Variants in CNTN5 observed in about 807,000 individuals in gnomAD.
The protein encoded by CNTN5 is contactin-5.
A neutral mutation model predicts 129.1 loss-of-function variants in CNTN5; 77 were observed. The ratio of observed to expected loss-of-function variants is 0.60; its 90% CI spans 0.50 to 0.72. The LOEUF (loss-of-function observed/expected upper bound fraction) is 0.72, where lower values mean the gene tolerates loss of function less well. Among genes scored for constraint, CNTN5 ranks in the 30% least tolerant of loss-of-function variants. CNTN5 has a pLI of 0.00. For synonymous variants in CNTN5, 509 were observed against 465.6 expected, an observed-to-expected ratio of 1.09 and a Z score of -1.20; for missense variants, 1,478 against 1,328.8, an observed-to-expected ratio of 1.11 and a Z score of -1.75.
intron 2 of CNTN5, among the ~76,000 whole-genome samples, chr11:99,465,659 G>A (rs937211833): frequency 6.6e-6 from 1 of 151,262 alleles, no homozygotes. Context: ...AAGCTGTATT[G>A]GTCTGTTCTT....
chr11:99,763,158 A>G (rs1378826636), intron 3 of CNTN5, among the ~76,000 whole-genome samples: 3 of 152,064 alleles, frequency 2.0e-5, no homozygotes, highest in South Asian at 2.1e-4. Flanking sequence ...TGAATTTTTC[A>G]TATTTACTTA....
Position 99,409,326 on chromosome 11 carries a change from G to T in CNTN5, c.-71+83842G>T, listed in dbSNP as rs1423861410. 2.6e-5 allele frequency among the ~76,000 whole-genome samples: 4 copies of T among 152,214 alleles called. No homozygotes were observed. In the East Asian group the frequency reaches 7.7e-4, roughly 29 times the overall value. On this transcript the variant is annotated intron_variant, in intron 2 of 24. Coordinates refer to ENST00000524871, the MANE Select transcript of CNTN5 (RefSeq NM_014361.4). Reference sequence around the variant, plus strand: ...AAAAATACAAAAGAAAAATTAACCAGGCATGGTGGCAGGCGCCTGTGGTCC... The same window carrying T: ...AAAAATACAAAAGAAAAATTAACCATGCATGGTGGCAGGCGCCTGTGGTCC...
chr11:100,196,826 A>T (rs1270329248), intron 15 of CNTN5, among the ~76,000 whole-genome samples: 6 of 152,006 alleles, frequency 3.9e-5, no homozygotes, highest in Non-Finnish European at 1.5e-5. Context: ...GGCAAATTTT[A>T]TGAATAAACT....
At chr11:99,197,808 G>T in intron 1 of CNTN5, among the ~76,000 whole-genome samples, 1 of 151,976 alleles carries the variant, frequency 6.6e-6, no homozygotes, top group East Asian at 1.9e-4. Flanking sequence ...TAGGTACAAG[G>T]ATTAACTTGT....
intron 1 of CNTN5, among the ~76,000 whole-genome samples, chr11:99,102,317 G>A (rs1866774120): frequency 6.6e-6 from 1 of 152,114 alleles, no homozygotes; most frequent in South Asian, 2.1e-4. Flanking sequence ...CCATTGTCTT[G>A]GCAATTAACA....
At position 99,342,943 on chromosome 11, in the gene CNTN5, A is replaced by T. The variant is rs139956637; in HGVS notation, c.-71+17459A>T. The stretch of plus-strand genomic sequence containing the variant: ...AATGATGGTCATTTGTCATCAGATT[A>T]AAAAAAACTGAGATATACAAAACAA... On this transcript the variant is annotated intron_variant, in intron 2 of 24. Transcript: ENST00000524871. 5.9e-3 allele frequency among the ~76,000 whole-genome samples: 898 copies of T among 151,972 alleles called. 3 individuals carry two copies. The highest frequency in any genetic ancestry group is 0.01 in the Admixed American group (159 of 15,244).
chr11:99,711,586 C>T (rs895848741), intron 3 of CNTN5, among the ~76,000 whole-genome samples: 2 of 151,798 alleles, frequency 1.3e-5, no homozygotes, highest in East Asian at 1.9e-4. Flanking sequence ...CACTCATCAG[C>T]CCATCATTCA....
At chr11:100,123,195 C>T (rs1222253672) in intron 13 of CNTN5, among the ~76,000 whole-genome samples, 1 of 151,814 alleles carries the variant, frequency 6.6e-6, no homozygotes, top group Non-Finnish European at 1.5e-5. Context: ...ACTAATGATT[C>T]AGCTTTAAAA....
At position 100,255,804 on chromosome 11, in the gene CNTN5, G is replaced by C. The variant is rs200579368; in HGVS notation, c.2050G>C (p.Glu684Gln). Residue 684 changes from glutamate to glutamine, a missense_variant, in exon 17 of 25, where the codon GAA becomes CAA. Transcript: ENST00000524871. ...PGIVIVEEIT[E>Q]STATLSWSPA... ...GATAGTAATTGTTGAGGAAATAACC[G>C]AAAGTACGGCCACACTGTCCTGGAG... 1.2e-6 allele frequency: 2 copies of C among 1,613,696 alleles called. No individual in the cohort carries two copies. The highest frequency in any genetic ancestry group is 1.7e-5 in the Admixed American group (1 of 59,994).
intron 3 of CNTN5, among the ~76,000 whole-genome samples, chr11:99,728,475 A>G (rs1261991569): frequency 6.6e-6 from 1 of 152,200 alleles, no homozygotes; most frequent in Non-Finnish European, 1.5e-5. Context: ...ATAATATTTA[A>G]ATATACTCAA....
intron 9 of CNTN5, among the ~76,000 whole-genome samples, chr11:100,013,206 G>C (rs1940627205): frequency 6.6e-6 from 1 of 151,984 alleles, no homozygotes; most frequent in Non-Finnish European, 1.5e-5. Flanking sequence ...GTGGGAAACG[G>C]GTGACAGATG....
intron 3 of CNTN5, among the ~76,000 whole-genome samples, chr11:99,572,805 T>A (rs1949218243): frequency 6.6e-6 from 1 of 152,054 alleles, no homozygotes; most frequent in African/African-American, 2.4e-5. Flanking sequence ...CAGTGAATGA[T>A]TGTGGGTAGA....
At chr11:99,777,152 A>G (rs1435178355) in intron 3 of CNTN5, among the ~76,000 whole-genome samples, 4 of 151,916 alleles carry the variant, frequency 2.6e-5, no homozygotes, top group Admixed American at 6.6e-5. Context: ...TGAATATTAC[A>G]TTCACTGAAA....
intron 4 of CNTN5, among the ~76,000 whole-genome samples, chr11:99,821,706 T>G (rs538309419): frequency 9.2e-4 from 140 of 152,230 alleles, no homozygotes; most frequent in African/African-American, 3.3e-3. Context: ...TCCTCAATCT[T>G]TACAGATAAA....
chr11:99,225,218 G>A (rs1210393975), intron 1 of CNTN5, among the ~76,000 whole-genome samples: 2 of 152,104 alleles, frequency 1.3e-5, no homozygotes, highest in Non-Finnish European at 2.9e-5. Context: ...GGAATAGAAA[G>A]GTAGGCAGAA....
intron 1 of CNTN5, among the ~76,000 whole-genome samples, chr11:99,168,434 G>A (rs12286038): frequency 0.16 from 24,530 of 151,916 alleles, 2,122 homozygotes; most frequent in East Asian, 0.34. Flanking sequence ...AAAAATATTA[G>A]CCAGGTATGG....
intron 6 of CNTN5, among the ~76,000 whole-genome samples, chr11:99,848,132 C>T (rs1947759620): frequency 6.6e-6 from 1 of 152,134 alleles, no homozygotes; most frequent in Non-Finnish European, 1.5e-5. Flanking sequence ...ATCGCTTGAA[C>T]CCGGGAGGCG....
chr11:100,340,874 G>A (rs1952143431), intron 22 of CNTN5, among the ~76,000 whole-genome samples: 1 of 152,118 alleles, frequency 6.6e-6, no homozygotes, highest in Non-Finnish European at 1.5e-5. Context: ...TTTTGACACA[G>A]AAGGGAGATA....
At chr11:99,545,415 C>T (rs1386798873) in intron 2 of CNTN5, among the ~76,000 whole-genome samples, 1 of 152,134 alleles carries the variant, frequency 6.6e-6, no homozygotes, top group African/African-American at 2.4e-5. Context: ...CCCAATTTAG[C>T]CAACAATAAC....
Sources: gnomAD v4.1 joint callset for allele counts (sites outside exome capture counted in the v4.1 genomes callset) on GRCh38, gnomAD v4.1.1 for gene constraint, MANE v1.5 for transcripts, NCBI Gene and HGNC (gene_info 2026-07-23, HGNC 2026-07-21) for gene names.